The following RAD52 variants were observed in gnomAD, a reference collection of about 807,000 sequenced individuals.
RAD52 encodes the protein DNA repair protein RAD52 homolog.
In RAD52, 47 loss-of-function variants were observed where a neutral mutation model predicts 55.5. That is an observed-to-expected ratio of 0.85 (90% CI 0.67 to 1.08). The LOEUF (loss-of-function observed/expected upper bound fraction) is 1.08, where lower values mean the gene tolerates loss of function less well. RAD52 is among the 50% of genes least tolerant of loss of function. The pLI is 0.00. For synonymous variants in RAD52, 184 were observed against 198.9 expected (o/e 0.92, Z 0.63); for missense variants, 468 against 522.8 (o/e 0.90, Z 1.02).
At chr12:914,262 A>G in intron 10 of RAD52, 141 bp from the exon 11 acceptor site, 1 of 1,295,986 alleles carries the variant, frequency 7.7e-7, no homozygotes, top group Non-Finnish European at 1.0e-6. Flanking sequence ...TCCCCCTAAA[A>G]GTACACTTCC....
chr12:990,712 C>CT (rs1959173534), upstream of RAD52: 1 of 152,254 alleles, frequency 6.6e-6, no homozygotes, highest in African/African-American at 2.4e-5. Flanking sequence ...AGCGTCCCCC[C>CT]AGCAGCCAGG....
chr12:938,109 G>C (rs1482072627), intron 1 of RAD52, among the ~76,000 whole-genome samples: 2 of 152,172 alleles, frequency 1.3e-5, no homozygotes, highest in Non-Finnish European at 2.9e-5. Flanking sequence ...GGAATAAAAA[G>C]GAGGGCGGCA....
In RAD52 at chr12:939,302, C is replaced by T. The variant is rs139381800; in HGVS notation, c.-18-6226G>A. 3.6e-3 allele frequency among the ~76,000 whole-genome samples: 546 copies of T among 152,022 alleles called. 1 individual carries two copies. The highest frequency in any genetic ancestry group is 0.012 in the African/African-American group (515 of 41,490). On this transcript the variant is annotated intron_variant, in intron 1 of 11. Transcript: ENST00000358495. Reference sequence around the variant, plus strand: ...AGTAGCTGGGACTACAGTTGTATAACGCCACACACGGCATATTTTTTATTT... The same window carrying T: ...AGTAGCTGGGACTACAGTTGTATAATGCCACACACGGCATATTTTTTATTT...
At chr12:934,460 CAAAAA>C (rs10611406) in intron 1 of RAD52, among the ~76,000 whole-genome samples, 93,173 of 128,998 alleles carry the variant, frequency 0.72, 33,391 homozygotes, top group Non-Finnish European at 0.78. Flanking sequence ...GACTCCATCT[CAAAAA>C]AAAAAAAAAA....
At position 974,929 on chromosome 12, in the gene RAD52, A is replaced by G. The variant is rs540870346; in HGVS notation, c.-19+14880T>C. On this transcript the variant is annotated intron_variant, in intron 1 of 11. Transcript: ENST00000430095. ...ATGCTGCCTTCCAACACCTGTGGTT[A>G]CAGTAGTCCCCTGCCTTATATGCAG... 9 of 152,298 alleles carry G rather than the reference A, an allele frequency of 5.9e-5. No individual in the cohort carries two copies. In the South Asian group the frequency reaches 1.5e-3, roughly 25 times the overall value. The allele number at this position is 152,298 out of a possible 1,614,324, so 9.4% of individuals were successfully genotyped here. A position where few individuals can be genotyped will look rare whatever the true frequency, so the allele number is the denominator to read the frequency against.
At position 931,275 on chromosome 12, in the gene RAD52, C is replaced by T. The variant is rs1195283908; in HGVS notation, c.131G>A (p.Arg44Lys). Residue 44 changes from arginine (R) to lysine (K), a missense_variant, in exon 3 of 12, where the codon AGG becomes AAG. Physicochemically the swap from Arg to Lys is conservative, Grantham distance 26. Coordinates refer to ENST00000358495, the MANE Select transcript of RAD52 (RefSeq NM_134424.4). ...TATGTATTCTGGGCCCAGCCTCTGC[C>T]TCAGGGCCTTCTGGATGGCCTGGTA... is the stretch of plus-strand genomic sequence containing the variant. ...EEYQAIQKALRQRLGPEYISS... is the reference protein window; with the variant it reads ...EEYQAIQKALKQRLGPEYISS... 6.2e-7 allele frequency: 1 copy of T among 1,612,398 alleles called. No homozygotes were observed. The highest frequency in any genetic ancestry group is 1.3e-5 in the African/African-American group (1 of 74,830).
chr12:976,570 C>T (rs61917245), intron 1 of RAD52: 7,479 of 152,306 alleles, frequency 0.049, 272 homozygotes, highest in Non-Finnish European at 0.064. Context: ...GGCTTCCAGT[C>T]ATCCCTGCCA....
chr12:978,085 G>C (rs1958957705), intron 1 of RAD52, among the ~76,000 whole-genome samples: 1 of 152,178 alleles, frequency 6.6e-6, no homozygotes, highest in African/African-American at 2.4e-5. Flanking sequence ...CCACAGACTG[G>C]CTACTGAGAT....
At chr12:922,933 C>G (rs145792649) in intron 7 of RAD52, among the ~76,000 whole-genome samples, 1 of 152,024 alleles carries the variant, frequency 6.6e-6, no homozygotes, top group Non-Finnish European at 1.5e-5. Flanking sequence ...CAGGTTCAAG[C>G]GATTCTCATG....
chr12:931,883 AAC>A (rs754789648), intron 2 of RAD52, among the ~76,000 whole-genome samples: 1 of 152,210 alleles, frequency 6.6e-6, no homozygotes, highest in African/African-American at 2.4e-5. Flanking sequence ...CACAAACAGA[AAC>A]ACACTACTGC....
rs1473569751 is a variant in RAD52, at chr12:914,495, A to C, written c.903T>G (p.Pro301=). Reference sequence around the variant, plus strand: ...CCAGGAGTGGTTCTGAGACAGTTACAGGAGTGCTGTGCGTCACAGGAGGGG... The same window carrying C: ...CCAGGAGTGGTTCTGAGACAGTTACCGGAGTGCTGTGCGTCACAGGAGGGG... ...PPAPPVTHST[P]VTVSEPLLEK... The change falls in exon 10 of 12, where the codon CCT becomes CCG. Residue 301 remains proline, a synonymous_variant. Coordinates refer to ENST00000358495, the MANE Select transcript of RAD52 (RefSeq NM_134424.4). 6.2e-7 allele frequency: 1 copy of C among 1,613,618 alleles called. No homozygotes were observed. Among genetic ancestry groups the C allele is most frequent in the African/African-American group, 1.3e-5 (1 of 74,920 alleles).
chr12:981,626 G>A (rs1308544439), intron 1 of RAD52, among the ~76,000 whole-genome samples: 1 of 151,746 alleles, frequency 6.6e-6, no homozygotes, highest in Non-Finnish European at 1.5e-5. Context: ...GCGTGGTGGT[G>A]CGCGCCTGTA....
At chr12:965,569 T>G (rs565195646) in intron 1 of RAD52, among the ~76,000 whole-genome samples, 1 of 152,176 alleles carries the variant, frequency 6.6e-6, no homozygotes, top group East Asian at 1.9e-4. Flanking sequence ...CAGTATTAGC[T>G]GCCCTGATAA....
intron 7 of RAD52, among the ~76,000 whole-genome samples, chr12:922,832 T>TTTA (rs1565657033): frequency 6.6e-6 from 1 of 151,882 alleles, no homozygotes; most frequent in African/African-American, 2.4e-5. Flanking sequence ...ATTTTTATAT[T>TTTA]TTATTATTAT....
chr12:934,848 C>G (rs566260094), intron 1 of RAD52, among the ~76,000 whole-genome samples: 1 of 152,020 alleles, frequency 6.6e-6, no homozygotes, highest in East Asian at 1.9e-4. Context: ...TGTGGTGGCT[C>G]ACACCTGTAA....
intron 9 of RAD52, 100 bp from the exon 10 acceptor site, chr12:914,632 C>T: frequency 7.0e-7 from 1 of 1,431,360 alleles, no homozygotes; most frequent in Non-Finnish European, 9.5e-7. Flanking sequence ...GGAACACTCT[C>T]CGAAGCACAA....
At chr12:947,918 C>T (rs952526475) in intron 1 of RAD52, among the ~76,000 whole-genome samples, 1 of 146,540 alleles carries the variant, frequency 6.8e-6, no homozygotes, top group Middle Eastern at 3.2e-3. Context: ...AAAAAACTGC[C>T]CTAAACGATA....
upstream of RAD52, among the ~76,000 whole-genome samples, chr12:951,801 T>C (rs1958532948): frequency 6.6e-6 from 1 of 152,188 alleles, no homozygotes; most frequent in African/African-American, 2.4e-5. Context: ...CCTTTTTTTG[T>C]TTTAAGTAAA....
chr12:935,974 T>G (rs569394437), intron 1 of RAD52, among the ~76,000 whole-genome samples: 1 of 149,692 alleles, frequency 6.7e-6, no homozygotes, highest in South Asian at 2.3e-4. Context: ...CCGCCTCAGG[T>G]GTGAGCCACC....
Sources: allele counts gnomAD v4.1 joint callset (sites outside exome capture counted in the v4.1 genomes callset), GRCh38; gene constraint gnomAD v4.1.1; transcripts MANE v1.5; gene names NCBI Gene and HGNC (gene_info 2026-07-23, HGNC 2026-07-21).